SLC2A9: variants seen among roughly 807,000 people sequenced by gnomAD.
The protein encoded by SLC2A9 is solute carrier family 2 member 9.
Under a neutral mutation model 50.6 loss-of-function variants are expected in SLC2A9, and 39 were observed. The observed-to-expected ratio is 0.77, with a 90% CI of 0.60 to 1.01. SLC2A9 has a LOEUF of 1.01. Ranked by LOEUF, SLC2A9 falls within the 50% of genes least tolerant of loss-of-function variation. The pLI is 0.00. For synonymous variants in SLC2A9, 324 were observed against 276.9 expected, an observed-to-expected ratio of 1.17 and a Z score of -1.69; for missense variants, 686 against 677.6, an observed-to-expected ratio of 1.01 and a Z score of -0.14.
At chr4:9,951,759 CATT>C (rs1176827526) in intron 5 of SLC2A9, among the ~76,000 whole-genome samples, 1 of 152,178 alleles carries the variant, frequency 6.6e-6, no homozygotes, top group Non-Finnish European at 1.5e-5. Context: ...AAATGTTCCT[CATT>C]ATTCTCAATG....
downstream of SLC2A9, among the ~76,000 whole-genome samples, chr4:9,794,385 A>T (rs1263618352): frequency 6.6e-6 from 1 of 152,088 alleles, no homozygotes; most frequent in East Asian, 1.9e-4. Context: ...CAAACTCCTG[A>T]CTTCAGGTGA....
chr4:9,930,993 C>T (rs1391661441), intron 6 of SLC2A9, among the ~76,000 whole-genome samples: 1 of 151,980 alleles, frequency 6.6e-6, no homozygotes, highest in African/African-American at 2.4e-5. Flanking sequence ...GGGGCAATGT[C>T]ACCCATGGGG....
rs191140756 is a variant in SLC2A9 at position 9,800,013 on chromosome 4, C to T, written n.421-772G>A. ...GGGGAAACTGAACATTAGTAACATC[C>T]CTTGGTCACTACTGTAAGAAAGAGA... On this transcript the variant is annotated intron_variant and non_coding_transcript_variant, in intron 3 of 3. Transcript: ENST00000503280. 4.4e-4 allele frequency among the ~76,000 whole-genome samples: 67 copies of T among 152,214 alleles called. No homozygotes were observed. The East Asian group carries it at 9.3e-3, about 21-fold the overall frequency.
chr4:9,969,306 A>G (rs1009321303), intron 5 of SLC2A9, among the ~76,000 whole-genome samples: 1 of 152,190 alleles, frequency 6.6e-6, no homozygotes, highest in Non-Finnish European at 1.5e-5. Flanking sequence ...TGGTTATTAT[A>G]TTGTAGGCCA....
intron 5 of SLC2A9, among the ~76,000 whole-genome samples, chr4:9,970,650 T>C (rs1442609130): frequency 2.0e-5 from 3 of 150,072 alleles, no homozygotes; most frequent in Non-Finnish European, 4.4e-5. Context: ...TAAATTCCCC[T>C]AGAAGAGTTA....
intron 3 of SLC2A9, among the ~76,000 whole-genome samples, chr4:9,811,269 T>C (rs1447169729): frequency 6.6e-6 from 1 of 152,224 alleles, no homozygotes; most frequent in East Asian, 1.9e-4. Context: ...CTTTGGGATG[T>C]GACTTTGGGG....
At chr4:10,015,334 C>T (rs752214102) in intron 2 of SLC2A9, among the ~76,000 whole-genome samples, 3 of 152,192 alleles carry the variant, frequency 2.0e-5, no homozygotes, top group Admixed American at 6.5e-5. Context: ...GAGCATGGCA[C>T]GGATCTTGGA....
intron 6 of SLC2A9, among the ~76,000 whole-genome samples, chr4:9,931,985 T>TATACAC (rs544254064): frequency 6.3e-5 from 6 of 95,684 alleles, no homozygotes; most frequent in African/African-American, 2.7e-4. Flanking sequence ...TATATATATA[T>TATACAC]ATATATATAT....
intron 3 of SLC2A9, chr4:9,781,752 C>T (rs1297184736): frequency 2.6e-6 from 1 of 378,566 alleles, no homozygotes; most frequent in Non-Finnish European, 4.7e-6. Context: ...TACAGACTCC[C>T]GAGAACAGCC....
At chr4:9,788,372 G>A (rs925377355) in intron 3 of SLC2A9, among the ~76,000 whole-genome samples, 1 of 35,400 alleles carries the variant, frequency 2.8e-5, no homozygotes. Context: ...TTTTTTTTTT[G>A]TAGAGACGGG....
At position 9,784,227 on chromosome 4, in the gene SLC2A9, T is replaced by C. The variant is rs112366330; in HGVS notation, n.386-4162A>G. On this transcript the variant is annotated intron_variant and non_coding_transcript_variant, in intron 3 of 3. Transcript: ENST00000503803. The stretch of plus-strand genomic sequence containing the variant: ...TTTTATTACTTATACCCATGTTGGG[T>C]CTGTGCTGAAACCTGGCTTCAATGG... Among the ~76,000 whole-genome samples the C allele has an allele frequency of 6.5e-3, 986 of 152,312 alleles. 11 individuals are homozygous for C. Among genetic ancestry groups the C allele is most frequent in the African/African-American group, 0.023 (936 of 41,558 alleles).
At chr4:9,980,900 T>A (rs376283220) in intron 4 of SLC2A9, among the ~76,000 whole-genome samples, 163 bp from the exon 5 acceptor site, 1 of 152,214 alleles carries the variant, frequency 6.6e-6, no homozygotes, top group Non-Finnish European at 1.5e-5. Context: ...AGCTTTCCCA[T>A]GAACTTTATA....
intron 3 of SLC2A9, among the ~76,000 whole-genome samples, chr4:9,790,073 T>C (rs529947239): frequency 4.6e-5 from 7 of 151,958 alleles, no homozygotes; most frequent in Non-Finnish European, 1.0e-4. Context: ...CTGAGAGAGG[T>C]TCAATAGCAA....
In SLC2A9 at chr4:9,805,784, T is replaced by C. The variant is rs559711604; in HGVS notation, n.421-6543A>G. ...CTTCCATAACTACTCTGTGGATGAA[T>C]AGTAATGGCAATAGCCAACAGTTAT... On this transcript the variant is annotated intron_variant and non_coding_transcript_variant, in intron 3 of 3. Coordinates refer to the SLC2A9 transcript ENST00000503280. Among the ~76,000 whole-genome samples, 7 of 151,454 alleles carry C rather than the reference T, an allele frequency of 4.6e-5. No homozygotes were observed. The East Asian group carries it at 1.4e-3, about 30-fold the overall frequency.
chr4:9,874,340 C>G (rs903144192), intron 10 of SLC2A9, among the ~76,000 whole-genome samples: 3 of 152,242 alleles, frequency 2.0e-5, no homozygotes, highest in African/African-American at 7.2e-5. Flanking sequence ...CCAGGCCCAG[C>G]CTTGCCAGGG....
intron 6 of SLC2A9, among the ~76,000 whole-genome samples, chr4:9,925,355 CTT>C (rs35950306): frequency 0.063 from 9,522 of 152,234 alleles, 808 homozygotes; most frequent in East Asian, 0.46. Context: ...CACTTTCACT[CTT>C]GTCTGGGGCG....
chr4:10,007,978 T>C (rs1175103820), intron 2 of SLC2A9, among the ~76,000 whole-genome samples: 1 of 152,228 alleles, frequency 6.6e-6, no homozygotes, highest in African/African-American at 2.4e-5. Context: ...GGTCTTCCCC[T>C]ATGGGTCAGA....
intron 6 of SLC2A9, among the ~76,000 whole-genome samples, chr4:9,939,276 A>G (rs574800251): frequency 6.6e-6 from 1 of 152,290 alleles, no homozygotes; most frequent in African/African-American, 2.4e-5. Flanking sequence ...TTTAAGGTCA[A>G]GCCCTACTAA....
At chr4:9,778,232 CCTCT>C (rs1717840772), downstream of SLC2A9, among the ~76,000 whole-genome samples, 1 of 151,806 alleles carries the variant, frequency 6.6e-6, no homozygotes, top group Non-Finnish European at 1.5e-5. Flanking sequence ...GCCTCAGCCA[CCTCT>C]CTCTCTTTCT....
Sources: gnomAD v4.1 joint callset for allele counts (sites outside exome capture counted in the v4.1 genomes callset) on GRCh38, gnomAD v4.1.1 for gene constraint, MANE v1.5 for transcripts, NCBI Gene and HGNC (gene_info 2026-07-23, HGNC 2026-07-21) for gene names.